Variants in TDP1 observed in about 807,000 individuals in gnomAD.
The protein encoded by TDP1 is tyrosyl-DNA phosphodiesterase 1.
Under a neutral mutation model 81.5 loss-of-function variants are expected in TDP1, and 64 were observed. That is an observed-to-expected ratio of 0.79 (90% CI 0.64 to 0.97). The LOEUF (loss-of-function observed/expected upper bound fraction) is 0.97, where lower values mean the gene tolerates loss of function less well. TDP1 is among the 50% of genes least tolerant of loss of function. The probability of loss-of-function intolerance (pLI) is 0.00; values close to 1 mark genes in which losing one functional copy is unlikely to be tolerated. For missense variants in TDP1, 723 were observed against 743.8 expected (o/e 0.97, Z 0.33); for synonymous variants, 256 against 264.3 (o/e 0.97, Z 0.30).
intron 14 of TDP1, among the ~76,000 whole-genome samples, chr14:90,004,269 T>C (rs2140189781): frequency 6.6e-6 from 1 of 152,276 alleles, no homozygotes; most frequent in African/African-American, 2.4e-5. Flanking sequence ...ACTTAGTGCC[T>C]CTAGACCCTT....
intron 13 of TDP1, chr14:89,993,174 T>C: frequency 1.0e-6 from 1 of 983,628 alleles, no homozygotes; most frequent in Non-Finnish European, 1.2e-6. Flanking sequence ...GCAGTGCTTC[T>C]TGTGAAAAGT....
At chr14:89,966,271 C>A in intron 4 of TDP1, 81 bp downstream of exon 4, 2 of 945,950 alleles carry the variant, frequency 2.1e-6, no homozygotes, top group Non-Finnish European at 3.5e-6. Context: ...ATATGAGAGG[C>A]ATAGTTTGGG....
At chr14:90,029,618 C>T (rs1887055644) in intron 15 of TDP1, among the ~76,000 whole-genome samples, 2 of 151,762 alleles carry the variant, frequency 1.3e-5, no homozygotes, top group Admixed American at 6.6e-5. Context: ...CCTGTCTCAG[C>T]CTCCCAAGTA....
intron 10 of TDP1, 103 bp from the exon 11 acceptor site, chr14:89,988,802 T>C (rs899628303): frequency 1.3e-6 from 2 of 1,559,434 alleles, no homozygotes; most frequent in Non-Finnish European, 1.7e-6. Flanking sequence ...CAGCTTTTCT[T>C]GTTAATTAGG....
intron 8 of TDP1, among the ~76,000 whole-genome samples, chr14:89,981,797 C>T (rs895112756): frequency 6.6e-6 from 1 of 152,074 alleles, no homozygotes; most frequent in Non-Finnish European, 1.5e-5. Flanking sequence ...GTGATCCTCC[C>T]ACCTCAGCCT....
intron 15 of TDP1, among the ~76,000 whole-genome samples, chr14:90,030,726 T>C (rs773618770): frequency 1.3e-5 from 2 of 152,128 alleles, no homozygotes; most frequent in Non-Finnish European, 2.9e-5. Flanking sequence ...GTGCTAAAGT[T>C]AGAAATGGTA....
intron 3 of TDP1, among the ~76,000 whole-genome samples, chr14:89,964,661 T>A (rs541453490): frequency 4.6e-5 from 7 of 152,298 alleles, no homozygotes; most frequent in Admixed American, 3.3e-4. Flanking sequence ...GTTCTACAGG[T>A]TGTTTTCTTT....
chr14:90,036,729 C>T (rs1887851743), intron 16 of TDP1, among the ~76,000 whole-genome samples: 2 of 151,990 alleles, frequency 1.3e-5, no homozygotes, highest in South Asian at 4.2e-4. Context: ...TCTCATCAAA[C>T]TTACATTCCT....
intron 16 of TDP1, 103 bp from the exon 17 acceptor site, chr14:90,042,965 CCA>C: frequency 1.3e-6 from 2 of 1,587,292 alleles, no homozygotes; most frequent in Admixed American, 1.8e-5. Context: ...AAATACTCTA[CCA>C]CAGTTTAGAG....
At chr14:89,986,586 A>C (rs562082860) in intron 10 of TDP1, among the ~76,000 whole-genome samples, 29 of 152,368 alleles carry the variant, frequency 1.9e-4, no homozygotes, top group Non-Finnish European at 3.5e-4. Context: ...ACAGTTGCTC[A>C]TGTTGCACCA....
chr14:89,974,466 C>T (rs1894033730), intron 6 of TDP1, among the ~76,000 whole-genome samples: 1 of 152,214 alleles, frequency 6.6e-6, no homozygotes, highest in Admixed American at 6.5e-5. Flanking sequence ...CAGATGCATG[C>T]TGGTCTGTGA....
At chr14:90,002,546 G>A (rs1373025313) in intron 14 of TDP1, among the ~76,000 whole-genome samples, 4 of 152,050 alleles carry the variant, frequency 2.6e-5, no homozygotes, top group South Asian at 2.1e-4. Context: ...TTTTGCCTGT[G>A]TAACACATCC....
intron 14 of TDP1, among the ~76,000 whole-genome samples, chr14:90,011,132 A>G (rs1259853702): frequency 6.6e-6 from 1 of 152,166 alleles, no homozygotes; most frequent in Non-Finnish European, 1.5e-5. Context: ...CCACCATGTA[A>G]GGCATGCCTT....
chr14:89,986,031 A>G (rs1895518240), intron 10 of TDP1, among the ~76,000 whole-genome samples: 1 of 152,264 alleles, frequency 6.6e-6, no homozygotes, highest in African/African-American at 2.4e-5. Context: ...CGTCTCAAAA[A>G]AATAAATAAA....
chr14:89,978,147 C>G (rs1443036743), intron 7 of TDP1, among the ~76,000 whole-genome samples: 2 of 152,200 alleles, frequency 1.3e-5, no homozygotes, highest in Non-Finnish European at 2.9e-5. Flanking sequence ...ATGTCTCCCC[C>G]CACCTCACCT....
chr14:90,039,286 T>C (rs1888129566), intron 16 of TDP1, among the ~76,000 whole-genome samples: 1 of 152,204 alleles, frequency 6.6e-6, no homozygotes, highest in African/African-American at 2.4e-5. Flanking sequence ...CAAAACACTT[T>C]GGAGCTCTCT....
intron 14 of TDP1, among the ~76,000 whole-genome samples, chr14:90,008,219 A>C (rs34331414): frequency 0.014 from 2,207 of 152,248 alleles, 60 homozygotes; most frequent in African/African-American, 0.05. Flanking sequence ...AACTCTTATG[A>C]GATGCTTGTC....
chr14:89,980,166 G>A, intron 7 of TDP1: 1 of 985,436 alleles, frequency 1.0e-6, no homozygotes, highest in Admixed American at 6.1e-5. Context: ...CAGCCATGAT[G>A]CAGCAAGAGG....
chr14:89,993,441 C>A lies in TDP1; in HGVS notation c.1499C>A (p.Pro500His). Reference sequence around the variant, plus strand: ...CCACATATTAAGACATATATGAGGCCTTCTCCAGACTTCAGTAAAATTGCT... The same window carrying A: ...CCACATATTAAGACATATATGAGGCATTCTCCAGACTTCAGTAAAATTGCT... ...AMPHIKTYMR[P>H]SPDFSKIAWF... Residue 500 changes from proline to histidine, a missense_variant, in exon 14 of 17, where the codon CCT becomes CAT. By Grantham distance (77) the Pro-to-His change is moderately conservative (BLOSUM62 -2). Coordinates refer to ENST00000335725, the MANE Select transcript of TDP1 (RefSeq NM_018319.4). 6.2e-7 allele frequency: 1 copy of A among 1,613,878 alleles called. No homozygotes were observed. The highest frequency in any genetic ancestry group is 8.5e-7 in the Non-Finnish European group (1 of 1,179,868).
Sources: gnomAD v4.1 joint callset for allele counts (sites outside exome capture counted in the v4.1 genomes callset) on GRCh38, gnomAD v4.1.1 for gene constraint, MANE v1.5 for transcripts, NCBI Gene and HGNC (gene_info 2026-07-23, HGNC 2026-07-21) for gene names.